The following SIN3B variants were observed in gnomAD, a reference collection of about 807,000 sequenced individuals.
SIN3B encodes the protein SIN3 transcription regulator family member B, also known as paired amphipathic helix protein Sin3b.
Under a neutral mutation model 120.2 loss-of-function variants are expected in SIN3B, and 19 were observed. The observed-to-expected ratio is 0.16, with a 90% CI of 0.11 to 0.23. The LOEUF (loss-of-function observed/expected upper bound fraction) is 0.23. Ranked by LOEUF, SIN3B falls within the 10% of genes least tolerant of loss-of-function variation. The probability of loss-of-function intolerance (pLI) is 1.00; values close to 1 mark genes in which losing one functional copy is unlikely to be tolerated. For missense variants in SIN3B, 1,073 were observed against 1,573.0 expected, an observed-to-expected ratio of 0.68 and a Z score of 5.38; for synonymous variants, 654 against 653.2, an observed-to-expected ratio of 1.00 and a Z score of -0.02.
At chr19:16,865,797 C>A in intron 11 of SIN3B, 149 bp downstream of exon 11, 1 of 614,414 alleles carries the variant, frequency 1.6e-6, no homozygotes. Flanking sequence ...GTCTCTGAGG[C>A]CTAAGGGTGC....
At position 16,829,856 on chromosome 19, in the gene SIN3B, C is replaced by T; in HGVS notation, c.186C>T (p.Tyr62=). ...KIRFGSDPAT[Y]NGFLEIMKEF... The stretch of plus-strand genomic sequence containing the variant: ...GCTTTGGCAGCGACCCTGCCACCTA[C>T]AACGGCTTCCTGGAGATCATGAAGG... Residue 62 remains tyrosine (Y), a synonymous_variant, in exon 2 of 19, where the codon TAC becomes TAT. Coordinates refer to ENST00000248054, the MANE Select transcript of SIN3B (RefSeq NM_001297595.2). The T allele has an allele frequency of 6.2e-7, 1 of 1,613,732 alleles. No homozygotes were observed. The highest frequency in any genetic ancestry group is 1.7e-5 in the Admixed American group (1 of 59,984).
intron 11 of SIN3B, among the ~76,000 whole-genome samples, 158 bp from the exon 12 acceptor site, chr19:16,866,215 G>C (rs1971770344): frequency 6.6e-6 from 1 of 152,172 alleles, no homozygotes; most frequent in Non-Finnish European, 1.5e-5. Context: ...CCCTCCCTCT[G>C]ACGTGCACAG....
intron 14 of SIN3B, chr19:16,871,601 G>T (rs930694521): frequency 1.8e-6 from 1 of 551,392 alleles, no homozygotes; most frequent in Non-Finnish European, 3.2e-6. Flanking sequence ...ACAATATTGT[G>T]CAACCACCAC....
intron 14 of SIN3B, 56 bp from the exon 15 acceptor site, chr19:16,875,999 G>C: frequency 6.6e-7 from 1 of 1,509,168 alleles, no homozygotes; most frequent in South Asian, 1.3e-5. Context: ...CTGTGGGTGA[G>C]GTGGGGACTC....
At chr19:16,871,130 C>A in intron 13 of SIN3B, 99 bp from the exon 14 acceptor site, 5 of 1,482,182 alleles carry the variant, frequency 3.4e-6, no homozygotes, top group Non-Finnish European at 4.7e-6. Context: ...CTGTTGGGCC[C>A]CATGGGGGCA....
At chr19:16,838,381 T>C (rs1196271765) in intron 3 of SIN3B, among the ~76,000 whole-genome samples, 1 of 152,176 alleles carries the variant, frequency 6.6e-6, no homozygotes, top group Non-Finnish European at 1.5e-5. Flanking sequence ...GTCTGCTTCC[T>C]GTCTTTATGG....
chr19:16,834,284 C>A (rs141318878), intron 3 of SIN3B, among the ~76,000 whole-genome samples: 146 of 152,350 alleles, frequency 9.6e-4, no homozygotes, highest in Admixed American at 3.1e-3. Context: ...CTGTCACTCA[C>A]TCAGAAAGAG....
chr19:16,835,827 A>AT (rs1971341023), intron 3 of SIN3B, among the ~76,000 whole-genome samples: 1 of 151,902 alleles, frequency 6.6e-6, no homozygotes, highest in Non-Finnish European at 1.5e-5. Flanking sequence ...CCTTTTTTAC[A>AT]TTTTTAAAAC....
At chr19:16,854,438 C>T in intron 8 of SIN3B, 177 bp downstream of exon 8, 6 of 560,852 alleles carry the variant, frequency 1.1e-5, no homozygotes, top group Non-Finnish European at 1.9e-5. Context: ...CAATACACCA[C>T]CTGGGTACCC....
At chr19:16,868,676 A>G (rs1971812443) in intron 12 of SIN3B, among the ~76,000 whole-genome samples, 2 of 152,186 alleles carry the variant, frequency 1.3e-5, no homozygotes, top group African/African-American at 4.8e-5. Flanking sequence ...GGAGGGGCAC[A>G]TCAGGGGCCG....
At position 16,878,576 on chromosome 19, in the gene SIN3B, T is replaced by C. The variant is rs2051644317; in HGVS notation, c.3242T>C (p.Val1081Ala). ...CGCTGGCTGGAGGACAATGTGACGG[T>C]GGAGGCGGCTAGCCTGGTGCAGGAC... ...HSRWLEDNVTVEAASLVQDWL... is the reference protein window; with the variant it reads ...HSRWLEDNVTAEAASLVQDWL... Residue 1081 changes from valine (V) to alanine (A), a missense_variant, in exon 19 of 19, where the codon GTG becomes GCG. By Grantham distance (64) the Val-to-Ala change is moderately conservative. Coordinates refer to ENST00000248054, the MANE Select transcript of SIN3B (RefSeq NM_001297595.2). The C allele has an allele frequency of 6.2e-7, 1 of 1,609,482 alleles. No individual in the cohort carries two copies. The highest frequency in any genetic ancestry group is 1.7e-5 in the Admixed American group (1 of 59,402).
chr19:16,847,356 T>G (rs1285748552), intron 5 of SIN3B, among the ~76,000 whole-genome samples: 2 of 152,114 alleles, frequency 1.3e-5, no homozygotes, highest in Non-Finnish European at 2.9e-5. Context: ...TTGGGGTGGT[T>G]TGGGAGGCAG....
chr19:16,829,670 C>T, intron 1 of SIN3B, 121 bp from the exon 2 acceptor site: 1 of 1,234,582 alleles, frequency 8.1e-7, no homozygotes, highest in Non-Finnish European at 1.1e-6. Context: ...GGACCCCTCA[C>T]CCCTCACCTC....
At chr19:16,866,998 A>C (rs1247888991) in intron 12 of SIN3B, among the ~76,000 whole-genome samples, 3 of 151,936 alleles carry the variant, frequency 2.0e-5, no homozygotes, top group African/African-American at 4.8e-5. Context: ...CTCGTGATCC[A>C]CCCACCTCAG....
rs1410031822 is a variant in SIN3B at position 16,879,576 on chromosome 19, T to A, written c.*849T>A. 1 of 152,254 alleles carries A rather than the reference T, an allele frequency of 6.6e-6. No homozygotes were observed. Among genetic ancestry groups the A allele is most frequent in the Non-Finnish European group, 1.5e-5 (1 of 68,086 alleles). The allele number at this position is 152,254 out of a possible 1,614,324, so 9.4% of individuals were successfully genotyped here. On this transcript the variant is annotated 3_prime_UTR_variant, in exon 19 of 19. Coordinates refer to ENST00000248054, the MANE Select transcript of SIN3B (RefSeq NM_001297595.2). ...CCTTTCGCTTTTAGTGGTTGTTATT[T>A]CTGTAGCAGCCAAGTCCTGCGGCTC...
intron 3 of SIN3B, among the ~76,000 whole-genome samples, chr19:16,838,338 A>T (rs1342810294): frequency 6.6e-6 from 1 of 151,976 alleles, no homozygotes; most frequent in Non-Finnish European, 1.5e-5. Flanking sequence ...GAACCTCCTA[A>T]TTCTCCTCTC....
intron 3 of SIN3B, among the ~76,000 whole-genome samples, chr19:16,838,314 C>A (rs891468444): frequency 1.3e-5 from 2 of 152,198 alleles, no homozygotes; most frequent in African/African-American, 4.8e-5. Context: ...AACATCACCC[C>A]AGGATCAAAC....
chr19:16,875,077 G>A (rs2051572079), intron 14 of SIN3B, among the ~76,000 whole-genome samples: 1 of 149,614 alleles, frequency 6.7e-6, no homozygotes, highest in African/African-American at 2.5e-5. Flanking sequence ...TTTTGGTTTG[G>A]TCTGGTCTGG....
At chr19:16,835,430 T>C (rs972703379) in intron 3 of SIN3B, among the ~76,000 whole-genome samples, 8 of 151,902 alleles carry the variant, frequency 5.3e-5, no homozygotes, top group Non-Finnish European at 1.0e-4. Flanking sequence ...GATTTCACCA[T>C]GTTGGTCAGG....
Sources: gnomAD v4.1 joint callset for allele counts (sites outside exome capture counted in the v4.1 genomes callset) on GRCh38, gnomAD v4.1.1 for gene constraint, MANE v1.5 for transcripts, NCBI Gene and HGNC (gene_info 2026-07-23, HGNC 2026-07-21) for gene names.